The following HS6ST3 variants were observed in gnomAD, a reference collection of about 807,000 sequenced individuals.
The protein encoded by HS6ST3 is heparan sulfate 6-O-sulfotransferase 3, also known as heparan-sulfate 6-O-sulfotransferase 3.
HS6ST3 carries 12 observed loss-of-function variants against 36.7 expected under a neutral mutation model. The observed-to-expected ratio is 0.33, with a 90% CI of 0.21 to 0.53. The LOEUF is 0.53. Among genes scored for constraint, HS6ST3 ranks in the 20% least tolerant of loss-of-function variants. The pLI, the probability that HS6ST3 is intolerant of heterozygous loss-of-function variation, is 0.95. For synonymous variants in HS6ST3, 240 were observed against 257.5 expected (o/e 0.93, Z 0.65); for missense variants, 584 against 640.9 (o/e 0.91, Z 0.96).
At chr13:96,761,161 C>T (rs1316373718) in intron 1 of HS6ST3, among the ~76,000 whole-genome samples, 3 of 151,036 alleles carry the variant, frequency 2.0e-5, no homozygotes, top group African/African-American at 7.3e-5. Context: ...GTTGCCCAGG[C>T]TGGAGTGTAC....
chr13:96,245,654 A>G (rs1194221377), intron 1 of HS6ST3, among the ~76,000 whole-genome samples: 1 of 152,120 alleles, frequency 6.6e-6, no homozygotes, highest in Non-Finnish European at 1.5e-5. Flanking sequence ...TTCTTTATCC[A>G]TTAGGTACCC....
At position 96,090,837 on chromosome 13, in the gene HS6ST3, T is replaced by C; in HGVS notation, c.-26T>C. On this transcript the variant is annotated 5_prime_UTR_variant, in exon 1 of 2. Transcript: ENST00000376705. ...CCCTGCCGCCGCCGCCGCCGCCGCT[T>C]CGCCTGCCGGCCTGAGAGCGGGACC... 6.8e-7 allele frequency: 1 copy of C among 1,469,880 alleles called. No homozygotes were observed. Among genetic ancestry groups the C allele is most frequent in the Non-Finnish European group, 9.0e-7 (1 of 1,105,120 alleles). 91.1% of individuals were successfully genotyped at this position (1,469,880 alleles called of 1,614,324 possible).
intron 1 of HS6ST3, among the ~76,000 whole-genome samples, chr13:96,146,019 G>A (rs2054056357): frequency 1.3e-5 from 2 of 152,162 alleles, no homozygotes; most frequent in Admixed American, 6.5e-5. Flanking sequence ...CTATATCTCT[G>A]TTTTGGTACC....
chr13:96,289,643 A>G (rs940098409), intron 1 of HS6ST3, among the ~76,000 whole-genome samples: 1 of 152,238 alleles, frequency 6.6e-6, no homozygotes, highest in Non-Finnish European at 1.5e-5. Flanking sequence ...ATTAACACAC[A>G]GGTTGTGGAG....
At position 96,749,193 on chromosome 13, in the gene HS6ST3, AT is replaced by A. The variant is rs529090670; in HGVS notation, c.708-83288del. 4.1e-3 allele frequency among the ~76,000 whole-genome samples: 616 copies of A among 151,414 alleles called. 4 individuals carry two copies. The highest frequency in any genetic ancestry group is 0.013 in the African/African-American group (537 of 41,310). On this transcript the variant is annotated intron_variant, in intron 1 of 1. Transcript: ENST00000376705. ...TATGCTCTGTCTTCAGCACAACTAC[AT>A]TTTTTTTTATTTTGCCATAAAGTGA...
At chr13:96,139,904 T>C (rs1185194150) in intron 1 of HS6ST3, among the ~76,000 whole-genome samples, 2 of 152,154 alleles carry the variant, frequency 1.3e-5, no homozygotes, top group East Asian at 3.9e-4. Flanking sequence ...ATCCACAGTC[T>C]ACCCTTAAAC....
intron 1 of HS6ST3, among the ~76,000 whole-genome samples, chr13:96,800,315 A>G (rs1878036296): frequency 6.6e-6 from 1 of 150,724 alleles, no homozygotes; most frequent in East Asian, 2.0e-4. Flanking sequence ...TTTTTAGCAC[A>G]TTGTGCTGCC....
chr13:96,779,235 G>A (rs1260286229), intron 1 of HS6ST3, among the ~76,000 whole-genome samples: 6 of 151,844 alleles, frequency 4.0e-5, no homozygotes, highest in African/African-American at 1.5e-4. Context: ...GGGTTGATGG[G>A]TGCAACAAAC....
chr13:96,739,669 A>G (rs896087578), intron 1 of HS6ST3, among the ~76,000 whole-genome samples: 10 of 151,980 alleles, frequency 6.6e-5, no homozygotes, highest in Non-Finnish European at 1.3e-4. Context: ...TTCTACACCA[A>G]TCTTCATCTT....
chr13:96,689,797 G>A (rs1874898752), intron 1 of HS6ST3, among the ~76,000 whole-genome samples: 1 of 60,058 alleles, frequency 1.7e-5, no homozygotes, highest in African/African-American at 5.9e-5. Flanking sequence ...GTCAATGGAT[G>A]TTTGTCAACT....
At chr13:96,112,181 T>C (rs1204478817) in intron 1 of HS6ST3, among the ~76,000 whole-genome samples, 2 of 152,144 alleles carry the variant, frequency 1.3e-5, no homozygotes, top group African/African-American at 4.8e-5. Flanking sequence ...CCTTACAGAA[T>C]GGTAGGGAAA....
At chr13:96,761,958 AATGAGT>A (rs1876980527) in intron 1 of HS6ST3, among the ~76,000 whole-genome samples, 1 of 152,118 alleles carries the variant, frequency 6.6e-6, no homozygotes, top group Admixed American at 6.5e-5. Context: ...ACATGAAATG[AATGAGT>A]ATAATATTAT....
At chr13:96,187,708 A>G (rs1462140549) in intron 1 of HS6ST3, among the ~76,000 whole-genome samples, 5 of 152,296 alleles carry the variant, frequency 3.3e-5, no homozygotes, top group Admixed American at 3.3e-4. Context: ...CTGACATGTC[A>G]TGGACTCGAC....
intron 1 of HS6ST3, among the ~76,000 whole-genome samples, chr13:96,205,626 C>A (rs1235519084): frequency 1.3e-5 from 2 of 152,290 alleles, no homozygotes; most frequent in East Asian, 3.9e-4. Flanking sequence ...AGCTTATCCA[C>A]CACGATCAAG....
chr13:96,633,430 T>C (rs2056538704), intron 1 of HS6ST3, among the ~76,000 whole-genome samples: 1 of 151,934 alleles, frequency 6.6e-6, no homozygotes, highest in Non-Finnish European at 1.5e-5. Context: ...TATTAGAGAG[T>C]GAAAACCCTA....
intron 1 of HS6ST3, among the ~76,000 whole-genome samples, chr13:96,400,959 C>A (rs756098513): frequency 2.0e-5 from 3 of 151,974 alleles, no homozygotes; most frequent in Non-Finnish European, 4.4e-5. Flanking sequence ...CAGCTACAAT[C>A]TAAAAATCTT....
intron 1 of HS6ST3, among the ~76,000 whole-genome samples, chr13:96,726,549 T>G (rs983143340): frequency 3.9e-5 from 6 of 152,206 alleles, no homozygotes; most frequent in Admixed American, 3.3e-4. Flanking sequence ...TTTTTAAATA[T>G]TGGTCTTTAT....
chr13:96,646,171 A>G (rs2056587922), intron 1 of HS6ST3, among the ~76,000 whole-genome samples: 1 of 152,040 alleles, frequency 6.6e-6, no homozygotes, highest in African/African-American at 2.4e-5. Context: ...GAACTGCTGA[A>G]TTGGCGTTTG....
At chr13:96,422,212 C>T (rs890412477) in intron 1 of HS6ST3, among the ~76,000 whole-genome samples, 1 of 152,218 alleles carries the variant, frequency 6.6e-6, no homozygotes, top group Non-Finnish European at 1.5e-5. Flanking sequence ...TGCAAACTCT[C>T]AGGCAGTGAG....
Sources: gnomAD v4.1 joint callset for allele counts (sites outside exome capture counted in the v4.1 genomes callset) on GRCh38, gnomAD v4.1.1 for gene constraint, MANE v1.5 for transcripts, NCBI Gene and HGNC (gene_info 2026-07-23, HGNC 2026-07-21) for gene names.